Variants in TMC7 observed in about 807,000 individuals in gnomAD.
TMC7 encodes the protein transmembrane channel-like protein 7.
TMC7 carries 54 observed loss-of-function variants against 82.9 expected under a neutral mutation model. The ratio of observed to expected loss-of-function variants is 0.65; its 90% CI spans 0.52 to 0.82. The LOEUF (loss-of-function observed/expected upper bound fraction) is 0.82. Among genes scored for constraint, TMC7 ranks in the 40% least tolerant of loss-of-function variants. TMC7 has a pLI of 0.00. For missense variants in TMC7, 820 were observed against 901.2 expected (o/e 0.91, Z 1.15); for synonymous variants, 350 against 337.9 (o/e 1.04, Z -0.39).
Position 19,049,732 on chromosome 16 carries a change from G to A in TMC7, c.1741-1954G>A, listed in dbSNP as rs984268993. On this transcript the variant is annotated intron_variant, in intron 12 of 15. Coordinates refer to ENST00000304381, the MANE Select transcript of TMC7 (RefSeq NM_024847.4). ...TCACTCACACCAGGCATGTCCCGCC[G>A]GCTGCCCCGAGGCTGGGCACCAAGT... 7.7e-6 allele frequency: 7 copies of A among 908,044 alleles called. No homozygotes were observed. The South Asian group carries it at 2.0e-4, about 26-fold the overall frequency. The allele number at this position is 908,044 out of a possible 1,614,324, so 56.2% of individuals were successfully genotyped here. A position where few individuals can be genotyped will look rare whatever the true frequency, so the allele number is the denominator to read the frequency against.
intron 1 of TMC7, among the ~76,000 whole-genome samples, chr16:19,005,340 G>A (rs900546798): frequency 3.3e-5 from 5 of 151,930 alleles, no homozygotes; most frequent in African/African-American, 7.3e-5. Context: ...CACTCGCCTC[G>A]GCCTCCCAAA....
At chr16:19,041,732 A>G (rs890805535) in intron 9 of TMC7, among the ~76,000 whole-genome samples, 1 of 152,146 alleles carries the variant, frequency 6.6e-6, no homozygotes, top group African/African-American at 2.4e-5. Flanking sequence ...CACACCTAAT[A>G]AAATTGAGGC....
At chr16:19,013,815 G>T (rs564674150) in intron 2 of TMC7, among the ~76,000 whole-genome samples, 1 of 150,000 alleles carries the variant, frequency 6.7e-6, no homozygotes, top group South Asian at 2.1e-4. Flanking sequence ...CACTGCGCCC[G>T]GCCGAGGGAG....
chr16:19,054,676 A>G (rs1368838360), intron 13 of TMC7, among the ~76,000 whole-genome samples: 2 of 151,008 alleles, frequency 1.3e-5, no homozygotes, highest in Non-Finnish European at 2.9e-5. Flanking sequence ...GATTGCACCA[A>G]TGCCACTCTA....
intron 2 of TMC7, 135 bp from the exon 3 acceptor site, chr16:19,016,315 C>G: frequency 2.1e-6 from 2 of 974,376 alleles, no homozygotes; most frequent in Non-Finnish European, 3.0e-6. Context: ...GTCTTGAACT[C>G]CTGACCTCAG....
chr16:19,015,155 G>C (rs991881402), intron 2 of TMC7, among the ~76,000 whole-genome samples: 5 of 151,678 alleles, frequency 3.3e-5, no homozygotes, highest in Admixed American at 2.0e-4. Context: ...GTAGAGACGG[G>C]GTTTCGCCAT....
At chr16:19,021,871 T>C in intron 4 of TMC7, 75 bp downstream of exon 4, 1 of 1,509,842 alleles carries the variant, frequency 6.6e-7, no homozygotes, top group Non-Finnish European at 9.0e-7. Flanking sequence ...CTTCCTTTGC[T>C]AAGAATCTTT....
chr16:19,060,132 CA>C (rs1282174021), intron 15 of TMC7: 2 of 157,250 alleles, frequency 1.3e-5, no homozygotes, highest in African/African-American at 4.8e-5. Context: ...ACAATAAAAA[CA>C]AGGTAGAGTG....
At chr16:19,007,630 A>C (rs1159644371) in intron 1 of TMC7, among the ~76,000 whole-genome samples, 2 of 151,996 alleles carry the variant, frequency 1.3e-5, no homozygotes, top group Admixed American at 6.6e-5. Context: ...ATCACGTGCC[A>C]CTGCACTCCA....
intron 9 of TMC7, 31 bp from the exon 10 acceptor site, chr16:19,044,853 C>T: frequency 6.5e-7 from 1 of 1,534,794 alleles, no homozygotes; most frequent in South Asian, 1.1e-5. Flanking sequence ...AGGGCCTCAT[C>T]TTCCCATCCT....
intron 10 of TMC7, 117 bp downstream of exon 10, chr16:19,045,118 T>A: frequency 1.1e-6 from 1 of 937,758 alleles, no homozygotes; most frequent in African/African-American, 1.6e-5. Flanking sequence ...GCTTTCTTGT[T>A]CTAGTGATGA....
In TMC7 at chr16:19,035,776, C is replaced by G; in HGVS notation, c.958C>G (p.Arg320Gly). 3 of 1,610,808 alleles carry G rather than the reference C, an allele frequency of 1.9e-6. No homozygotes were observed. Among genetic ancestry groups the G allele is most frequent in the Non-Finnish European group, 1.7e-6 (2 of 1,178,302 alleles). The change falls in exon 7 of 16, where the codon CGC (arginine) becomes GGC (glycine). Residue 320 changes from arginine to glycine, a missense_variant. By Grantham distance (125) the Arg-to-Gly change is moderately radical. Coordinates refer to ENST00000304381, the MANE Select transcript of TMC7 (RefSeq NM_024847.4). The part of the protein sequence containing the change: ...FAGWDFCITN[R>G]SMADLKHSSL... ...CGGCTGGGACTTCTGCATCACTAAC[C>G]GCAGCATGGCGGATCTGAAGCACAG...
At chr16:19,005,979 G>A (rs889270300) in intron 1 of TMC7, among the ~76,000 whole-genome samples, 7 of 152,152 alleles carry the variant, frequency 4.6e-5, no homozygotes, top group South Asian at 2.1e-4. Flanking sequence ...GTCTGAACTT[G>A]CCTATCCGAG....
At chr16:19,061,663 T>G in intron 15 of TMC7, 115 bp from the exon 16 acceptor site, 66 of 792,520 alleles carry the variant, frequency 8.3e-5, no homozygotes, top group Non-Finnish European at 1.2e-4. Context: ...ACAGACCAGA[T>G]GAGAGGCCAT....
intron 1 of TMC7, among the ~76,000 whole-genome samples, chr16:19,003,094 G>A (rs2039169880): frequency 6.6e-6 from 1 of 152,198 alleles, no homozygotes; most frequent in African/African-American, 2.4e-5. Context: ...CCTTTGGGAG[G>A]CTAAGGCGGG....
intron 12 of TMC7, among the ~76,000 whole-genome samples, chr16:19,049,873 C>G (rs140029648): frequency 6.6e-6 from 1 of 152,256 alleles, no homozygotes. Context: ...AAATTTCATG[C>G]CTGTTACCAT....
At chr16:19,030,474 A>G (rs765774247) in intron 6 of TMC7, 105 bp downstream of exon 6, 70 of 1,339,384 alleles carry the variant, frequency 5.2e-5, no homozygotes, top group Non-Finnish European at 6.1e-5. Flanking sequence ...GTGGAGTCCA[A>G]TGATGGGTTT....
chr16:18,990,309 A>G (rs1490214128), intron 1 of TMC7, among the ~76,000 whole-genome samples: 1 of 152,132 alleles, frequency 6.6e-6, no homozygotes, highest in African/African-American at 2.4e-5. Flanking sequence ...TGCAAGTCAC[A>G]GGGGATGCAA....
At chr16:19,016,895 G>C (rs1255572976) in intron 3 of TMC7, among the ~76,000 whole-genome samples, 1 of 151,982 alleles carries the variant, frequency 6.6e-6, no homozygotes, top group Non-Finnish European at 1.5e-5. Flanking sequence ...TATTTAATGT[G>C]CTAGTGAAGA....
Sources: allele counts gnomAD v4.1 joint callset (sites outside exome capture counted in the v4.1 genomes callset), GRCh38; gene constraint gnomAD v4.1.1; transcripts MANE v1.5; gene names NCBI Gene and HGNC (gene_info 2026-07-23, HGNC 2026-07-21).